Variants in TAB2 observed in about 807,000 individuals in gnomAD.
The protein encoded by TAB2 is TGF-beta-activated kinase 1 and MAP3K7-binding protein 2.
A neutral mutation model predicts 65.0 loss-of-function variants in TAB2; 3 were observed. That is an observed-to-expected ratio of 0.05 (90% CI 0.02 to 0.12). TAB2 has a LOEUF of 0.12. TAB2 is among the 10% of genes least tolerant of loss of function. The pLI is 1.00. For synonymous variants in TAB2, 298 were observed against 285.1 expected, an observed-to-expected ratio of 1.05 and a Z score of -0.46; for missense variants, 623 against 840.3, an observed-to-expected ratio of 0.74 and a Z score of 3.20.
Position 149,317,813 on chromosome 6 carries a change from T to C in TAB2, c.-292T>C. ...TGGCGGCGGCGGCGGCCGGAGGGAGTTGGCGGCGGCGGGCGAGCGGAGGGG... is the reference window on the plus strand; with the variant it reads ...TGGCGGCGGCGGCGGCCGGAGGGAGCTGGCGGCGGCGGGCGAGCGGAGGGG... On this transcript the variant is annotated 5_prime_UTR_variant, in exon 1 of 7. Transcript: ENST00000637181. The surrounding 1 kb of genome is among the most constrained non-coding windows in gnomAD (Gnocchi z 4.7). 1 of 148,662 alleles carries C rather than the reference T, an allele frequency of 6.7e-6. No homozygotes were observed. The highest frequency in any genetic ancestry group is 1.4e-5 in the Non-Finnish European group (1 of 70,954). 9.2% of individuals were successfully genotyped at this position (148,662 alleles called of 1,614,324 possible).
At chr6:149,277,030 G>T (rs1583060896) in intron 1 of TAB2, among the ~76,000 whole-genome samples, 2 of 152,084 alleles carry the variant, frequency 1.3e-5, no homozygotes, top group African/African-American at 2.4e-5. Flanking sequence ...CTTTCACTTG[G>T]CTCTCATTCT....
chr6:149,303,502 T>C (rs611454), intron 1 of TAB2, among the ~76,000 whole-genome samples: 78,863 of 151,954 alleles, frequency 0.52, 23,228 homozygotes, highest in African/African-American at 0.82. Context: ...TGTATTTATA[T>C]ATATAAATAT....
At chr6:149,298,299 TA>T (rs1052190850) in intron 1 of TAB2, among the ~76,000 whole-genome samples, 1 of 147,340 alleles carries the variant, frequency 6.8e-6, no homozygotes, top group Admixed American at 6.7e-5. Flanking sequence ...AAAGAAAAAA[TA>T]AAAATAAAAT....
chr6:149,235,676 T>C (rs1247624869), intron 1 of TAB2, among the ~76,000 whole-genome samples: 1 of 152,214 alleles, frequency 6.6e-6, no homozygotes. Flanking sequence ...TTCTTGACCA[T>C]CTTGCTTAGC....
chr6:149,402,977 G>A (rs1007180199), intron 6 of TAB2, among the ~76,000 whole-genome samples: 2 of 152,016 alleles, frequency 1.3e-5, no homozygotes, highest in African/African-American at 4.8e-5. Context: ...GCTCACACCT[G>A]TAATCCTAGC....
chr6:149,383,172 A>T (rs1301577555), intron 3 of TAB2, among the ~76,000 whole-genome samples: 1 of 152,106 alleles, frequency 6.6e-6, no homozygotes, highest in African/African-American at 2.4e-5. Context: ...AAAGAAGAAA[A>T]AAAAAGGAAA....
chr6:149,317,397 C>T (rs1241458127), upstream of TAB2: 1 of 152,478 alleles, frequency 6.6e-6, no homozygotes, highest in Non-Finnish European at 1.3e-5. The surrounding 1 kb of genome is among the most constrained non-coding windows in gnomAD (Gnocchi z 4.7). Context: ...GGAGGAAGAG[C>T]ATCCCCGGGC....
intron 1 of TAB2, among the ~76,000 whole-genome samples, chr6:149,355,104 T>C (rs1780613762): frequency 6.6e-6 from 1 of 152,198 alleles, no homozygotes; most frequent in Admixed American, 6.5e-5. Flanking sequence ...ATCATTATTT[T>C]TTAATAAATT....
chr6:149,348,320 T>C (rs1448343190), intron 1 of TAB2, among the ~76,000 whole-genome samples: 2 of 151,856 alleles, frequency 1.3e-5, no homozygotes, highest in Non-Finnish European at 2.9e-5. Context: ...GCCCAGGAGA[T>C]TGAGGCTGCA....
intron 1 of TAB2, among the ~76,000 whole-genome samples, chr6:149,336,274 A>G: frequency 6.6e-6 from 1 of 152,184 alleles, no homozygotes; most frequent in East Asian, 1.9e-4. Flanking sequence ...TGGGTTCTTA[A>G]TTAAATAGGA....
At chr6:149,367,531 G>C (rs1333105263) in intron 1 of TAB2, among the ~76,000 whole-genome samples, 1 of 152,098 alleles carries the variant, frequency 6.6e-6, no homozygotes, top group South Asian at 2.1e-4. Context: ...ATTGCATTTT[G>C]AACAGGGAAA....
At chr6:149,340,755 T>G (rs1276374107) in intron 1 of TAB2, among the ~76,000 whole-genome samples, 1 of 152,190 alleles carries the variant, frequency 6.6e-6, no homozygotes, top group Non-Finnish European at 1.5e-5. Flanking sequence ...AGTCTTATCA[T>G]CTAAGTTTTA....
At chr6:149,273,232 A>G (rs1778397279) in intron 1 of TAB2, among the ~76,000 whole-genome samples, 1 of 152,190 alleles carries the variant, frequency 6.6e-6, no homozygotes, top group Admixed American at 6.5e-5. Flanking sequence ...AGGTACATAG[A>G]AAAGTCAAGA....
intron 1 of TAB2, among the ~76,000 whole-genome samples, chr6:149,254,118 G>GGAAA (rs1562389762): frequency 9.1e-6 from 1 of 109,676 alleles, no homozygotes; most frequent in Admixed American, 1.0e-4. Flanking sequence ...AGGAAGGACA[G>GGAAA]GGAAGGGAAG....
At chr6:149,373,648 A>G (rs1583135128) in intron 2 of TAB2, among the ~76,000 whole-genome samples, 1 of 152,182 alleles carries the variant, frequency 6.6e-6, no homozygotes, top group Admixed American at 6.5e-5. Flanking sequence ...GAGTTTGGGG[A>G]AAAATGAAAG....
rs773366895 is a variant in TAB2 at position 149,397,951 on chromosome 6, C to T, written c.1765-18C>T. 3 of 1,609,464 alleles carry T rather than the reference C, an allele frequency of 1.9e-6. No homozygotes were observed. Among genetic ancestry groups the T allele is most frequent in the South Asian group, 2.2e-5 (2 of 90,888 alleles). ...AAGAATTCAGTGCAAATCTTACTTA[C>T]ATAGAATTATTTTTCAGCTTGAAGA... On this transcript the variant is annotated intron_variant, in intron 4 of 6. Coordinates refer to ENST00000637181, the MANE Select transcript of TAB2 (RefSeq NM_001292034.3).
intron 1 of TAB2, among the ~76,000 whole-genome samples, chr6:149,366,955 A>T (rs369533623): frequency 0.2 from 30,723 of 150,340 alleles, 3,256 homozygotes; most frequent in Non-Finnish European, 0.22. Context: ...TTGTGTATAA[A>T]TTTTTTTTTT....
chr6:149,319,798 GTT>G (rs1284248404), intron 1 of TAB2, among the ~76,000 whole-genome samples: 2 of 152,078 alleles, frequency 1.3e-5, no homozygotes, highest in African/African-American at 4.8e-5. Context: ...CTTTTCCTGA[GTT>G]TAAAAGTATT....
chr6:149,387,976 C>T (rs1247438134), intron 3 of TAB2, among the ~76,000 whole-genome samples: 3 of 152,276 alleles, frequency 2.0e-5, no homozygotes, highest in Middle Eastern at 6.8e-3. Context: ...TCCTTGTGTA[C>T]ACATAATTGT....
Sources: gnomAD v4.1 joint callset for allele counts (sites outside exome capture counted in the v4.1 genomes callset) on GRCh38, gnomAD v4.1.1 for gene constraint, Gnocchi (gnomAD v3.1) non-coding constraint, MANE v1.5 for transcripts, NCBI Gene and HGNC (gene_info 2026-07-23, HGNC 2026-07-21) for gene names.